The following GDI2 variants were observed in gnomAD, a reference collection of about 807,000 sequenced individuals.
GDI2 encodes GDP dissociation inhibitor 2.
GDI2 carries 22 observed loss-of-function variants against 54.2 expected under a neutral mutation model. That is an observed-to-expected ratio of 0.41 (90% CI 0.29 to 0.58). The LOEUF is 0.58. Among genes scored for constraint, GDI2 ranks in the 20% least tolerant of loss-of-function variants. The pLI is 0.35. For missense variants in GDI2, 422 were observed against 546.0 expected (o/e 0.77, Z 2.26); for synonymous variants, 177 against 182.1 (o/e 0.97, Z 0.23).
chr10:5,807,720 G>C (rs1049224581), intron 1 of GDI2, among the ~76,000 whole-genome samples: 1 of 151,964 alleles, frequency 6.6e-6, no homozygotes, highest in Non-Finnish European at 1.5e-5. Flanking sequence ...ATGTGGATGT[G>C]GGGCTGGGGG....
intron 1 of GDI2, among the ~76,000 whole-genome samples, chr10:5,804,831 GC>G (rs964076477): frequency 6.8e-6 from 1 of 146,204 alleles, no homozygotes; most frequent in African/African-American, 2.5e-5. Context: ...ACTATCTGGA[GC>G]TTTTTTTTTT....
chr10:5,802,817 G>T (rs1040290650), intron 1 of GDI2, among the ~76,000 whole-genome samples: 1 of 152,118 alleles, frequency 6.6e-6, no homozygotes, highest in African/African-American at 2.4e-5. Context: ...AAATCACACA[G>T]GAGGAAAAAA....
chr10:5,789,337 T>C (rs1010942912), intron 4 of GDI2, among the ~76,000 whole-genome samples: 1 of 152,088 alleles, frequency 6.6e-6, no homozygotes, highest in Non-Finnish European at 1.5e-5. Flanking sequence ...CGGGCTCAAG[T>C]GATCCACCCA....
chr10:5,787,522 A>G (rs183552237), intron 4 of GDI2, among the ~76,000 whole-genome samples: 84 of 152,348 alleles, frequency 5.5e-4, no homozygotes, highest in Non-Finnish European at 9.6e-4. Flanking sequence ...AAAAAAAAGA[A>G]ACATGAGGCT....
At chr10:5,783,449 C>A (rs944726401) in intron 6 of GDI2, among the ~76,000 whole-genome samples, 6 of 152,136 alleles carry the variant, frequency 3.9e-5, no homozygotes, top group African/African-American at 1.4e-4. Context: ...TTACATTCAA[C>A]ATTAGTATTG....
intron 4 of GDI2, among the ~76,000 whole-genome samples, chr10:5,788,514 G>C (rs1406404119): frequency 2.2e-4 from 34 of 151,934 alleles, no homozygotes; most frequent in Non-Finnish European, 1.0e-4. Flanking sequence ...CCAATTTTTT[G>C]GCTTCCCTGG....
chr10:5,800,296 G>A (rs1841239963), intron 2 of GDI2, among the ~76,000 whole-genome samples: 2 of 152,070 alleles, frequency 1.3e-5, no homozygotes. Context: ...ATCTTTGAGG[G>A]ACTGAGAAAA....
chr10:5,790,300 G>A (rs542482141), intron 4 of GDI2, among the ~76,000 whole-genome samples: 2 of 151,872 alleles, frequency 1.3e-5, no homozygotes, highest in South Asian at 4.2e-4. Context: ...TCTTCTTAAG[G>A]GCACTGTCTT....
At chr10:5,812,165 G>T (rs1352008729) in intron 1 of GDI2, among the ~76,000 whole-genome samples, 1 of 149,616 alleles carries the variant, frequency 6.7e-6, no homozygotes, top group Admixed American at 6.7e-5. Context: ...TAGTTAAAAT[G>T]GTTTTCTCCA....
intron 3 of GDI2, among the ~76,000 whole-genome samples, chr10:5,796,043 T>C (rs530252586): frequency 6.6e-6 from 1 of 152,238 alleles, no homozygotes; most frequent in Non-Finnish European, 1.5e-5. Context: ...TTCAATGTCA[T>C]CTCAGAAAAA....
rs942135919 is a variant in GDI2, at chr10:5,768,971, AG to A, written c.820-588del. The A allele has an allele frequency of 6.6e-6, 1 of 152,226 alleles. No individual in the cohort carries two copies. 9.4% of individuals were successfully genotyped at this position (152,226 alleles called of 1,614,324 possible). A position where few individuals can be genotyped will look rare whatever the true frequency, so the allele number is the denominator to read the frequency against. ...AACAAAGGAAAGAATTCATGAAAAC[AG>A]GATTTCATGAAAATTTTAAAAATCT... On this transcript the variant is annotated intron_variant, in intron 7 of 10. Coordinates refer to ENST00000380191, the MANE Select transcript of GDI2 (RefSeq NM_001494.4). This position sits in a 1 kb window ranked among gnomAD's most constrained non-coding sequence, Gnocchi z 4.4.
In GDI2 at chr10:5,774,429, T is replaced by C. The variant is rs1840571088; in HGVS notation, c.720-488A>G. On this transcript the variant is annotated intron_variant, in intron 6 of 10. Coordinates refer to ENST00000380191, the MANE Select transcript of GDI2 (RefSeq NM_001494.4). The surrounding 1 kb of genome is among the most constrained non-coding windows in gnomAD (Gnocchi z 4.8). ...CACCAGCAACACATTTGGTGCTGTG[T>C]GACTCGGATACATTCCCTAGTAGTA... 6.6e-6 allele frequency among the ~76,000 whole-genome samples: 1 copy of C among 152,210 alleles called. No homozygotes were observed. The highest frequency in any genetic ancestry group is 1.5e-5 in the Non-Finnish European group (1 of 68,040).
chr10:5,783,396 C>T (rs751139045), intron 6 of GDI2, among the ~76,000 whole-genome samples: 14 of 152,086 alleles, frequency 9.2e-5, no homozygotes, highest in Non-Finnish European at 1.5e-4. Context: ...AGTTCTTATC[C>T]ATTCTGCTAT....
Position 5,796,823 on chromosome 10 carries a change from A to T in GDI2, c.193T>A (p.Ser65Thr). 6.3e-7 allele frequency: 1 copy of T among 1,590,868 alleles called. No individual in the cohort carries two copies. The highest frequency in any genetic ancestry group is 8.6e-7 in the Non-Finnish European group (1 of 1,159,528). Residue 65 changes from serine (S) to threonine (T), a missense_variant, in exon 3 of 11, where the codon TCA becomes ACA. By Grantham distance (58) the Ser-to-Thr change is moderately conservative. Transcript: ENST00000380191. ...TTCCAGTCTCTTCCTCTCCCCATTG[A>T]CTCGGGTGGTGATCCTGGTATTTTA... ...RFKIPGSPPE[S>T]MGRGRDWNVD...
In GDI2 at chr10:5,766,227, AC is replaced by A. The variant is rs1840327568; in HGVS notation, c.1191+13del. 6.2e-7 allele frequency: 1 copy of A among 1,612,288 alleles called. No individual in the cohort carries two copies. Among genetic ancestry groups the A allele is most frequent in the African/African-American group, 1.3e-5 (1 of 75,012 alleles). On this transcript the variant is annotated intron_variant, in intron 10 of 10. Coordinates refer to ENST00000380191, the MANE Select transcript of GDI2 (RefSeq NM_001494.4). This position sits in a 1 kb window ranked among gnomAD's most constrained non-coding sequence, Gnocchi z 5.8. ...GTGAAACCTGCCCATATCCTTTCACACTTCCATACTCACCTGGCTTTCTGTT... is the reference window on the plus strand; with the variant it reads ...GTGAAACCTGCCCATATCCTTTCACATTCCATACTCACCTGGCTTTCTGTT...
intron 6 of GDI2, among the ~76,000 whole-genome samples, chr10:5,779,055 A>AC (rs1840691243): frequency 6.6e-6 from 1 of 152,240 alleles, no homozygotes; most frequent in Non-Finnish European, 1.5e-5. Flanking sequence ...CAAATGTTAA[A>AC]ATACGCAGTT....
intron 4 of GDI2, among the ~76,000 whole-genome samples, chr10:5,794,592 C>A (rs1466874703): frequency 6.6e-6 from 1 of 152,080 alleles, no homozygotes; most frequent in Non-Finnish European, 1.5e-5. Context: ...GAAAGCATAG[C>A]TATTATGAAT....
Position 5,770,987 on chromosome 10 carries a change from A to C in GDI2, c.820-2603T>G, listed in dbSNP as rs575444393. Among the ~76,000 whole-genome samples, 82 of 145,358 alleles carry C rather than the reference A, an allele frequency of 5.6e-4. 1 individual carries two copies. The highest frequency in any genetic ancestry group is 3.3e-3 in the South Asian group (15 of 4,568). ...TCAAAAAAAAAAAAAAAAAAAAAAA[A>C]GATGGTAAATTTTATGGGTACTTTA... On this transcript the variant is annotated intron_variant, in intron 7 of 10. Transcript: ENST00000380191.
intron 7 of GDI2, among the ~76,000 whole-genome samples, chr10:5,770,735 G>A (rs1840469452): frequency 6.6e-6 from 1 of 151,976 alleles, no homozygotes; most frequent in Non-Finnish European, 1.5e-5. Context: ...GGAGGCCGAG[G>A]CAGGCAGATC....
Sources: allele counts gnomAD v4.1 joint callset (sites outside exome capture counted in the v4.1 genomes callset), GRCh38; gene constraint gnomAD v4.1.1; non-coding constraint Gnocchi (gnomAD v3.1); transcripts MANE v1.5; gene names NCBI Gene and HGNC (gene_info 2026-07-23, HGNC 2026-07-21).